The following SEMA6D variants were observed in gnomAD, a reference collection of about 807,000 sequenced individuals.
The protein encoded by SEMA6D is semaphorin-6D.
In SEMA6D, 35 loss-of-function variants were observed where a neutral mutation model predicts 106.6. The observed-to-expected ratio is 0.33, with a 90% CI of 0.25 to 0.44. The LOEUF is 0.44. Ranked by LOEUF, SEMA6D falls within the 20% of genes least tolerant of loss-of-function variation. SEMA6D has a pLI of 1.00. For missense variants in SEMA6D, 1,185 were observed against 1,345.9 expected (o/e 0.88, Z 1.87); for synonymous variants, 499 against 487.7 (o/e 1.02, Z -0.31).
intron 1 of SEMA6D, among the ~76,000 whole-genome samples, chr15:47,232,935 T>C (rs1021049964): frequency 2.0e-5 from 3 of 151,988 alleles, no homozygotes; most frequent in African/African-American, 7.2e-5. Flanking sequence ...TACACACAAA[T>C]TAATTACTAT....
At chr15:47,537,853 T>C (rs2045221877) in intron 3 of SEMA6D, among the ~76,000 whole-genome samples, 1 of 152,178 alleles carries the variant, frequency 6.6e-6, no homozygotes, top group African/African-American at 2.4e-5. Flanking sequence ...CTAGAGATTC[T>C]GGAGAGAAGG....
rs747170403 is a variant in SEMA6D, at chr15:47,765,924, G to T, written c.1483G>T (p.Asp495Tyr). The T allele has an allele frequency of 4.5e-6, 7 of 1,572,210 alleles. No homozygotes were observed. Among genetic ancestry groups the T allele is most frequent in the Non-Finnish European group, 6.0e-6 (7 of 1,160,656 alleles). The change falls in exon 14 of 19, where the codon GAT (aspartate) becomes TAT (tyrosine). Residue 495 changes from aspartate to tyrosine, a missense_variant. Transcript: ENST00000536845. Reference sequence around the variant, plus strand: ...GGTCATCTCATTACAGTTGGATAAAGATCACCACGCTTTATATGTGGCGTT... The same window carrying T: ...GGTCATCTCATTACAGTTGGATAAATATCACCACGCTTTATATGTGGCGTT... ...KKVISLQLDK[D>Y]HHALYVAFSS...
chr15:47,481,237 G>A (rs932681192), intron 3 of SEMA6D, among the ~76,000 whole-genome samples: 1 of 152,018 alleles, frequency 6.6e-6, no homozygotes, highest in Non-Finnish European at 1.5e-5. Context: ...CCTTTTTGAG[G>A]TGAGCAGCCA....
At chr15:47,604,417 G>T (rs1363541659) in intron 4 of SEMA6D, among the ~76,000 whole-genome samples, 4 of 152,152 alleles carry the variant, frequency 2.6e-5, no homozygotes, top group African/African-American at 9.7e-5. Flanking sequence ...TTTCTTAGGG[G>T]TAGAAGTGGG....
At chr15:47,302,509 T>G (rs1466781) in intron 1 of SEMA6D, among the ~76,000 whole-genome samples, 4 of 151,966 alleles carry the variant, frequency 2.6e-5, no homozygotes, top group Non-Finnish European at 2.9e-5. Flanking sequence ...CTACATGGAA[T>G]GAGGGACTTT....
chr15:47,451,104 A>G (rs1271858099), intron 2 of SEMA6D, among the ~76,000 whole-genome samples: 4 of 152,132 alleles, frequency 2.6e-5, no homozygotes, highest in Non-Finnish European at 4.4e-5. Context: ...GCAGTGATGC[A>G]GAGGCTTTCC....
At chr15:47,276,283 C>T (rs1426512719) in intron 1 of SEMA6D, among the ~76,000 whole-genome samples, 1 of 152,108 alleles carries the variant, frequency 6.6e-6, no homozygotes, top group Non-Finnish European at 1.5e-5. Flanking sequence ...GGTGGCTACT[C>T]TAAACAACAG....
intron 1 of SEMA6D, chr15:47,360,060 T>C (rs1478749012): frequency 1.3e-5 from 2 of 152,148 alleles, no homozygotes; most frequent in Non-Finnish European, 2.9e-5. Flanking sequence ...TCTAGCCTTC[T>C]ACACAAGGAC....
chr15:47,323,492 A>T (rs936502206), intron 1 of SEMA6D, among the ~76,000 whole-genome samples: 4 of 152,170 alleles, frequency 2.6e-5, no homozygotes, highest in Non-Finnish European at 4.4e-5. Flanking sequence ...TGTTTGGTCT[A>T]TGGGTGGGCT....
At chr15:47,401,159 G>C (rs1004291706) in intron 1 of SEMA6D, among the ~76,000 whole-genome samples, 9 of 152,122 alleles carry the variant, frequency 5.9e-5, no homozygotes, top group African/African-American at 2.2e-4. Context: ...GTAAATGTTA[G>C]CTGTTATTTT....
At chr15:47,620,332 A>T (rs2144170001) in intron 4 of SEMA6D, among the ~76,000 whole-genome samples, 1 of 152,332 alleles carries the variant, frequency 6.6e-6, no homozygotes, top group African/African-American at 2.4e-5. Flanking sequence ...AGTGGAGGGC[A>T]TGTGCCCAGG....
intron 1 of SEMA6D, among the ~76,000 whole-genome samples, chr15:47,371,119 A>G (rs899019888): frequency 1.3e-5 from 2 of 152,182 alleles, no homozygotes; most frequent in Non-Finnish European, 2.9e-5. Flanking sequence ...ATGGACTCTC[A>G]TGTACTTTTC....
At chr15:47,738,533 A>C (rs1188243707) in intron 1 of SEMA6D, among the ~76,000 whole-genome samples, 1 of 152,182 alleles carries the variant, frequency 6.6e-6, no homozygotes, top group African/African-American at 2.4e-5. Context: ...AAGCAATCTG[A>C]AGACTATTAC....
chr15:47,603,612 G>A (rs1293478490), intron 4 of SEMA6D, among the ~76,000 whole-genome samples: 2 of 152,006 alleles, frequency 1.3e-5, no homozygotes, highest in East Asian at 3.9e-4. Flanking sequence ...TAATTTCATT[G>A]TGCGTGTCTA....
At chr15:47,427,931 A>ATTC (rs2041396139) in intron 2 of SEMA6D, among the ~76,000 whole-genome samples, 1 of 152,160 alleles carries the variant, frequency 6.6e-6, no homozygotes, top group African/African-American at 2.4e-5. Flanking sequence ...GAAATTGTAT[A>ATTC]TTCTTCTTAG....
chr15:47,687,253 A>G (rs1596635061), intron 4 of SEMA6D, among the ~76,000 whole-genome samples: 1 of 152,092 alleles, frequency 6.6e-6, no homozygotes, highest in African/African-American at 2.4e-5. Flanking sequence ...ACCAGGCACT[A>G]TGGATACAGT....
chr15:47,487,239 A>G (rs2043323482), intron 3 of SEMA6D, among the ~76,000 whole-genome samples: 1 of 152,172 alleles, frequency 6.6e-6, no homozygotes, highest in Non-Finnish European at 1.5e-5. Flanking sequence ...CGGCATCCCC[A>G]TAAGAACCTT....
chr15:47,210,869 A>G (rs2029927698), intron 1 of SEMA6D, among the ~76,000 whole-genome samples: 1 of 151,562 alleles, frequency 6.6e-6, no homozygotes, highest in South Asian at 2.1e-4. Context: ...AAAGTCGTTT[A>G]AACATAACAC....
chr15:47,531,766 C>G (rs2044978742), intron 3 of SEMA6D, among the ~76,000 whole-genome samples: 1 of 152,174 alleles, frequency 6.6e-6, no homozygotes, highest in African/African-American at 2.4e-5. Flanking sequence ...AGCCTGCCTT[C>G]TCTTCCTGCA....
Sources: gnomAD v4.1 joint callset for allele counts (sites outside exome capture counted in the v4.1 genomes callset) on GRCh38, gnomAD v4.1.1 for gene constraint, MANE v1.5 for transcripts, NCBI Gene and HGNC (gene_info 2026-07-23, HGNC 2026-07-21) for gene names.